Variants in MAPK10 observed in about 807,000 individuals in gnomAD.
MAPK10 encodes JNK3 alpha protein kinase.
Under a neutral mutation model 59.3 loss-of-function variants are expected in MAPK10, and 25 were observed. The observed-to-expected ratio is 0.42, with a 90% CI of 0.31 to 0.59. The LOEUF is 0.59. Ranked by LOEUF, MAPK10 falls within the 20% of genes least tolerant of loss-of-function variation. The pLI is 0.15. For missense variants in MAPK10, 351 were observed against 568.9 expected (o/e 0.62, Z 3.90); for synonymous variants, 190 against 200.5 (o/e 0.95, Z 0.44).
intron 4 of MAPK10, among the ~76,000 whole-genome samples, chr4:86,139,581 T>C (rs1034962425): frequency 6.6e-6 from 1 of 152,094 alleles, no homozygotes; most frequent in African/African-American, 2.4e-5. Flanking sequence ...ATAAAAACCC[T>C]AGAAGAAAAC....
chr4:86,025,653 C>A, intron 13 of MAPK10: 1 of 393,022 alleles, frequency 2.5e-6, no homozygotes, highest in South Asian at 1.4e-4. Flanking sequence ...AAATTTTTGT[C>A]TATAAAAATG....
intron 3 of MAPK10, among the ~76,000 whole-genome samples, chr4:86,173,585 T>G (rs2074932213): frequency 6.6e-6 from 1 of 152,076 alleles, no homozygotes; most frequent in South Asian, 2.1e-4. Flanking sequence ...GATTTTATGA[T>G]GAAATCACCA....
intron 4 of MAPK10, among the ~76,000 whole-genome samples, chr4:86,153,229 T>G (rs1354280902): frequency 6.6e-6 from 1 of 152,202 alleles, no homozygotes; most frequent in African/African-American, 2.4e-5. Context: ...ACTAATTATT[T>G]CTTCTAATAG....
intron 2 of MAPK10, among the ~76,000 whole-genome samples, chr4:86,334,592 T>C (rs1719921651): frequency 6.6e-6 from 1 of 152,050 alleles, no homozygotes; most frequent in Non-Finnish European, 1.5e-5. Context: ...CAAATCTCTG[T>C]CCCCACTGGA....
intron 1 of MAPK10, among the ~76,000 whole-genome samples, chr4:86,396,164 G>A (rs1443619815): frequency 6.6e-6 from 1 of 152,140 alleles, no homozygotes; most frequent in East Asian, 1.9e-4. Context: ...TGGCTAACAT[G>A]GTGAAAGCCC....
intron 1 of MAPK10, among the ~76,000 whole-genome samples, chr4:86,440,443 T>C (rs1029162199): frequency 1.3e-5 from 2 of 152,004 alleles, no homozygotes; most frequent in African/African-American, 4.8e-5. Context: ...AAGATCAGCC[T>C]GGGCAAGTGA....
chr4:86,017,227 GTCACCTGCAACA>G lies in MAPK10; in HGVS notation c.1384_1395del (p.Cys462_Ter465delextTer10), dbSNP rs1168735910. 14 of 1,613,814 alleles carry G rather than the reference GTCACCTGCAACA, an allele frequency of 8.7e-6. No homozygotes were observed. The highest frequency in any genetic ancestry group is 1.2e-5 in the Non-Finnish European group (14 of 1,179,924). On this transcript the variant is annotated stop_lost and inframe_deletion, in exon 14 of 14. Transcript: ENST00000641462. The surrounding 1 kb of genome is among the most constrained non-coding windows in gnomAD (Gnocchi z 4.4). ...GCTGGGTTTCGCAGGCAGGCGGCTA[GTCACCTGCAACA>G]ACCCAGGGGTCCTGCCGAGGCTTCC... is the stretch of plus-strand genomic sequence containing the variant.
intron 2 of MAPK10, among the ~76,000 whole-genome samples, chr4:86,308,072 A>G (rs1044649223): frequency 1.3e-5 from 2 of 152,210 alleles, no homozygotes; most frequent in Admixed American, 1.3e-4. Context: ...AGATTCTGAC[A>G]CTAGTCCATT....
intron 1 of MAPK10, among the ~76,000 whole-genome samples, chr4:86,372,327 G>A (rs2148993911): frequency 6.6e-6 from 1 of 152,116 alleles, no homozygotes; most frequent in Non-Finnish European, 1.5e-5. Context: ...GACCATCTTA[G>A]TCAACATGGT....
intron 2 of MAPK10, among the ~76,000 whole-genome samples, chr4:86,307,293 A>G (rs2148861429): frequency 6.6e-6 from 1 of 152,304 alleles, no homozygotes; most frequent in African/African-American, 2.4e-5. Flanking sequence ...GGCAGATCTT[A>G]GAGCCTTTCT....
chr4:86,194,357 A>T lies in MAPK10; in HGVS notation c.45T>A (p.Asp15Glu). 2 of 1,613,674 alleles carry T rather than the reference A, an allele frequency of 1.2e-6. No individual in the cohort carries two copies. Among genetic ancestry groups the T allele is most frequent in the Non-Finnish European group, 1.7e-6 (2 of 1,179,612 alleles). ...FLYYCSEPTL[D>E]VKIAFCQGFD... ...ACACCTGACAAAAGGCAATTTTCACATCCAATGTTGGTTCACTGCAGTAGT... is the reference window on the plus strand; with the variant it reads ...ACACCTGACAAAAGGCAATTTTCACTTCCAATGTTGGTTCACTGCAGTAGT... Residue 15 changes from aspartate to glutamate, a missense_variant, in exon 3 of 14, where the codon GAT (aspartate) becomes GAA (glutamate). By Grantham distance (45) the Asp-to-Glu change is conservative. Around this residue, in one of 5 missense-constraint regions of MAPK10, gnomAD observed 61 missense variants for 58.4 expected, o/e 1.05. Transcript: ENST00000641462.
At chr4:86,185,621 A>G (rs1582219307) in intron 3 of MAPK10, among the ~76,000 whole-genome samples, 3 of 152,252 alleles carry the variant, frequency 2.0e-5, no homozygotes, top group South Asian at 4.1e-4. Flanking sequence ...GGGGTGGGCA[A>G]AAGTAGAAGC....
intron 4 of MAPK10, 85 bp from the exon 5 acceptor site, chr4:86,107,437 A>G: frequency 1.3e-6 from 2 of 1,516,714 alleles, no homozygotes; most frequent in Non-Finnish European, 1.8e-6. Context: ...ACTGGTAAAG[A>G]AAATGCTATT....
At chr4:86,461,954 T>C (rs2149061677) in intron 1 of MAPK10, among the ~76,000 whole-genome samples, 1 of 152,284 alleles carries the variant, frequency 6.6e-6, no homozygotes, top group South Asian at 2.1e-4. Flanking sequence ...AACAGGGAAA[T>C]ATAGCTACAT....
intron 1 of MAPK10, among the ~76,000 whole-genome samples, chr4:86,564,708 G>A (rs1179251688): frequency 1.3e-5 from 2 of 152,092 alleles, no homozygotes; most frequent in African/African-American, 4.8e-5. Context: ...ACCTTTTTAA[G>A]GAGGTGAAAC....
chr4:86,320,679 AT>A (rs933604791), intron 2 of MAPK10, among the ~76,000 whole-genome samples: 3 of 152,164 alleles, frequency 2.0e-5, no homozygotes, highest in African/African-American at 4.8e-5. Flanking sequence ...CCATTTGTCA[AT>A]TTTGGCTTTT....
chr4:86,583,891 A>T (rs1762479576), intron 1 of MAPK10, among the ~76,000 whole-genome samples: 1 of 152,138 alleles, frequency 6.6e-6, no homozygotes, highest in Non-Finnish European at 1.5e-5. Flanking sequence ...CCCTTGTAAT[A>T]TCCTGATTAT....
intron 2 of MAPK10, among the ~76,000 whole-genome samples, chr4:86,345,461 T>A (rs1282405704): frequency 6.6e-6 from 1 of 152,214 alleles, no homozygotes; most frequent in Non-Finnish European, 1.5e-5. Flanking sequence ...GTTCATTGAT[T>A]ACTTATGAGA....
intron 1 of MAPK10, among the ~76,000 whole-genome samples, chr4:86,458,578 C>G (rs1751446003): frequency 6.6e-6 from 1 of 152,064 alleles, no homozygotes. Context: ...GCATATAGAC[C>G]AATGTAATAG....
Sources: gnomAD v4.1 joint callset for allele counts (sites outside exome capture counted in the v4.1 genomes callset) on GRCh38, gnomAD v4.1.1 for gene constraint, gnomAD v4.1.1 regional missense constraint, Gnocchi (gnomAD v3.1) non-coding constraint, MANE v1.5 for transcripts, NCBI Gene and HGNC (gene_info 2026-07-23, HGNC 2026-07-21) for gene names.